Variants in DIAPH2 observed in about 807,000 individuals in gnomAD.
DIAPH2 encodes the protein diaphanous related formin 2, also known as protein diaphanous homolog 2.
In DIAPH2, 35 loss-of-function variants were observed where a neutral mutation model predicts 92.7. The observed-to-expected ratio is 0.38, with a 90% confidence interval of 0.29 to 0.50. The LOEUF is 0.50. Ranked by LOEUF, DIAPH2 falls within the 20% of genes least tolerant of loss-of-function variation. DIAPH2 has a pLI of 0.94. For missense variants in DIAPH2, 701 were observed against 819.5 expected (o/e 0.86, Z 1.77); for synonymous variants, 301 against 280.4 (o/e 1.07, Z -0.73).
At chrX:97,514,111 A>G (rs1348994913) in intron 26 of DIAPH2, among the ~76,000 whole-genome samples, 3 of 106,792 alleles carry the variant, frequency 2.8e-5, no homozygotes, top group African/African-American at 1.0e-4. Context: ...GTGTTTTCCA[A>G]CTTGGTTCCA....
intron 22 of DIAPH2, among the ~76,000 whole-genome samples, chrX:97,241,548 T>G (rs906499632): frequency 1.8e-5 from 2 of 110,939 alleles, no homozygotes; most frequent in African/African-American, 6.6e-5. Flanking sequence ...TCCGACCGCC[T>G]CAGCCTCCCA....
At chrX:97,323,317 C>T (rs1171552917) in intron 23 of DIAPH2, among the ~76,000 whole-genome samples, 4 of 102,459 alleles carry the variant, frequency 3.9e-5, no homozygotes, top group African/African-American at 6.9e-5. Flanking sequence ...CTTGGCCGGG[C>T]GCGGTGGCTC....
At chrX:97,477,508 G>A (rs918181616) in intron 26 of DIAPH2, among the ~76,000 whole-genome samples, 1 of 111,390 alleles carries the variant, frequency 9.0e-6, no homozygotes, top group African/African-American at 3.3e-5. Context: ...TGGAGGCTGA[G>A]GCAGGAGAAT....
intron 22 of DIAPH2, among the ~76,000 whole-genome samples, chrX:97,180,780 G>C (rs970767849): frequency 1.9e-4 from 21 of 111,470 alleles, no homozygotes; most frequent in African/African-American, 6.9e-4. Context: ...CCCATTGCTT[G>C]TTTTTGTCAG....
chrX:97,339,189 C>T (rs1219035494), intron 23 of DIAPH2, among the ~76,000 whole-genome samples: 1 of 111,062 alleles, frequency 9.0e-6, no homozygotes, highest in Non-Finnish European at 1.9e-5. Context: ...ATTCTGATCA[C>T]TGCTTCCCTA....
chrX:96,783,387 A>C (rs1401090134), intron 4 of DIAPH2, among the ~76,000 whole-genome samples: 1 of 112,512 alleles, frequency 8.9e-6, no homozygotes, highest in Non-Finnish European at 1.9e-5. Context: ...TAAGAGACCA[A>C]GAAGGAAGAG....
chrX:97,390,323 G>A (rs1477715230), intron 25 of DIAPH2, among the ~76,000 whole-genome samples: 1 of 93,760 alleles, frequency 1.1e-5, no homozygotes, highest in Non-Finnish European at 2.0e-5. Context: ...GGGCTCAAAC[G>A]ATCCTCCCAC....
intron 26 of DIAPH2, among the ~76,000 whole-genome samples, chrX:97,525,950 A>T (rs1021067513): frequency 4.5e-5 from 5 of 112,067 alleles, no homozygotes; most frequent in Non-Finnish European, 9.4e-5. Flanking sequence ...ATGCCGCTTG[A>T]GTGTGAACTT....
intron 26 of DIAPH2, among the ~76,000 whole-genome samples, chrX:97,476,551 AATATT>A (rs2070604990): frequency 9.8e-5 from 11 of 111,963 alleles, no homozygotes; most frequent in Non-Finnish European, 1.5e-4. Context: ...AAATGTAACC[AATATT>A]TAAGAGCTTA....
At chrX:97,522,101 C>G (rs952187197) in intron 26 of DIAPH2, among the ~76,000 whole-genome samples, 1 of 111,777 alleles carries the variant, frequency 8.9e-6, no homozygotes, top group African/African-American at 3.3e-5. Context: ...ACATTAAGGA[C>G]TTATATAGGT....
At chrX:96,946,359 T>C (rs999737184) in intron 14 of DIAPH2, among the ~76,000 whole-genome samples, 1 of 111,647 alleles carries the variant, frequency 9.0e-6, no homozygotes, top group Non-Finnish European at 1.9e-5. Flanking sequence ...GCCAGAAGGA[T>C]TGAAGCACAT....
Position 97,590,700 on chromosome X carries a change from G to A in DIAPH2, c.3242-8553G>A, listed in dbSNP as rs182522623. Among the ~76,000 whole-genome samples the A allele has an allele frequency of 2.7e-5, 3 of 111,459 alleles. No homozygotes were observed. The Admixed American group carries it at 2.8e-4, about 11-fold the overall frequency. ...AAATGGCTGCTTGAGCTCTCACCCT[G>A]CCAAACACTCCTGGCCCAGGTTATT... On this transcript the variant is annotated intron_variant, in intron 26 of 26. Transcript: ENST00000324765.
chrX:96,701,019 A>G (rs1303000533), intron 1 of DIAPH2, among the ~76,000 whole-genome samples: 1 of 111,955 alleles, frequency 8.9e-6, no homozygotes, highest in African/African-American at 3.2e-5. Context: ...TATGCCTGAA[A>G]TAACCTCTTC....
At chrX:96,698,051 T>G (rs919812478) in intron 1 of DIAPH2, among the ~76,000 whole-genome samples, 2 of 111,653 alleles carry the variant, frequency 1.8e-5, no homozygotes, top group African/African-American at 3.3e-5. Context: ...AAAAAATACC[T>G]GTCTAGCAGT....
chrX:96,804,356 C>T (rs964473420), intron 4 of DIAPH2, among the ~76,000 whole-genome samples: 1 of 111,831 alleles, frequency 8.9e-6, no homozygotes, highest in African/African-American at 3.3e-5. Context: ...CATTTTCTCT[C>T]TCTGCCTCTG....
At chrX:96,785,474 C>A (rs1285741221) in intron 4 of DIAPH2, among the ~76,000 whole-genome samples, 3 of 80,708 alleles carry the variant, frequency 3.7e-5, no homozygotes, top group Admixed American at 1.5e-4. Context: ...GCCAAACTTG[C>A]CTTTTTTTTT....
chrX:97,161,568 T>C (rs5967070), intron 22 of DIAPH2, among the ~76,000 whole-genome samples: 3,108 of 110,843 alleles, frequency 0.028, 79 homozygotes, highest in African/African-American at 0.084. Context: ...ACCTGGCTAA[T>C]TTTTTTGTAT....
chrX:96,853,851 G>A (rs987795281), intron 4 of DIAPH2, among the ~76,000 whole-genome samples: 3 of 111,772 alleles, frequency 2.7e-5, no homozygotes, highest in Non-Finnish European at 5.7e-5. Flanking sequence ...GTTCTGTAGT[G>A]TTTAATGGAG....
rs1356349349 is a variant in DIAPH2, at chrX:96,962,492, C to CATATAT, written c.1936-2600_1936-2599insTATATA. Among the ~76,000 whole-genome samples, 9 of 19,562 alleles carry CATATAT rather than the reference C, an allele frequency of 4.6e-4. 1 individual carries two copies. The highest frequency in any genetic ancestry group is 1.3e-3 in the African/African-American group (9 of 6,884). 17.0% of individuals were successfully genotyped at this position (19,562 alleles called of 115,157 possible). A position where few individuals can be genotyped will look rare whatever the true frequency, so the allele number is the denominator to read the frequency against. On this transcript the variant is annotated intron_variant, in intron 16 of 26. Coordinates refer to ENST00000324765, the MANE Select transcript of DIAPH2 (RefSeq NM_006729.5). ...ACATATATATATACACACACACACA[C>CATATAT]ACACATATATATATATATATATATA...
Sources: gnomAD v4.1 joint callset for allele counts (sites outside exome capture counted in the v4.1 genomes callset) on GRCh38, gnomAD v4.1.1 for gene constraint, MANE v1.5 for transcripts, NCBI Gene and HGNC (gene_info 2026-07-23, HGNC 2026-07-21) for gene names.